Variants in STPG2 observed in about 807,000 individuals in gnomAD.
The protein encoded by STPG2 is sperm-tail PG-rich repeat-containing protein 2.
STPG2 carries 56 observed loss-of-function variants against 54.2 expected under a neutral mutation model. That is an observed-to-expected ratio of 1.03 (90% CI 0.83 to 1.29). The LOEUF is 1.29. Among genes scored for constraint, STPG2 ranks in the 50% most tolerant of loss-of-function variants. STPG2 has a pLI of 0.00. For synonymous variants in STPG2, 200 were observed against 181.8 expected (o/e 1.10, Z -0.81); for missense variants, 596 against 544.9 (o/e 1.09, Z -0.93).
intron 10 of STPG2, among the ~76,000 whole-genome samples, chr4:97,696,581 A>G (rs1723581576): frequency 6.6e-6 from 1 of 152,234 alleles, no homozygotes; most frequent in South Asian, 2.1e-4. Context: ...AGCAGAGTAA[A>G]CACAAAACCC....
chr4:98,032,368 C>T (rs191725976), intron 5 of STPG2, among the ~76,000 whole-genome samples: 1 of 152,182 alleles, frequency 6.6e-6, no homozygotes, highest in Non-Finnish European at 1.5e-5. Context: ...TATAAACTTA[C>T]TCATGTAACC....
downstream of STPG2, among the ~76,000 whole-genome samples, chr4:97,554,380 T>C (rs1367636167): frequency 1.3e-5 from 2 of 152,184 alleles, no homozygotes; most frequent in Non-Finnish European, 2.9e-5. Flanking sequence ...AATTCTTCCC[T>C]TCTCTGAGAG....
chr4:97,783,744 T>TA (rs1029861987), intron 9 of STPG2, among the ~76,000 whole-genome samples: 10 of 152,262 alleles, frequency 6.6e-5, no homozygotes, highest in African/African-American at 2.4e-4. Flanking sequence ...TATGCAGCTA[T>TA]AAAAAAGGAT....
intron 5 of STPG2, among the ~76,000 whole-genome samples, chr4:97,991,047 C>A (rs1734986224): frequency 6.6e-6 from 1 of 151,956 alleles, no homozygotes; most frequent in South Asian, 2.1e-4. Flanking sequence ...AAAGTGTATT[C>A]TTTTATCCCT....
intron 10 of STPG2, among the ~76,000 whole-genome samples, chr4:97,586,635 T>C (rs1008091810): frequency 3.9e-5 from 6 of 151,932 alleles, no homozygotes; most frequent in African/African-American, 1.4e-4. Context: ...AGATTTGTCT[T>C]ATAAAACAAA....
At chr4:97,927,797 A>G (rs1336490799) in intron 8 of STPG2, among the ~76,000 whole-genome samples, 1 of 152,072 alleles carries the variant, frequency 6.6e-6, no homozygotes, top group Non-Finnish European at 1.5e-5. Flanking sequence ...AAAGATTACC[A>G]TAACTATAGT....
At chr4:97,588,913 T>C (rs968244453) in intron 10 of STPG2, among the ~76,000 whole-genome samples, 10 of 152,116 alleles carry the variant, frequency 6.6e-5, no homozygotes, top group Admixed American at 2.6e-4. Flanking sequence ...ATTTGTATAG[T>C]TTTACATAAC....
chr4:97,900,981 T>C (rs1305982498), intron 8 of STPG2, among the ~76,000 whole-genome samples: 1 of 151,846 alleles, frequency 6.6e-6, no homozygotes, highest in Non-Finnish European at 1.5e-5. Flanking sequence ...TCTTATTTTG[T>C]TTTGATTTTG....
intron 8 of STPG2, among the ~76,000 whole-genome samples, chr4:97,841,926 T>C (rs1728812450): frequency 6.6e-6 from 1 of 151,858 alleles, no homozygotes; most frequent in African/African-American, 2.4e-5. Flanking sequence ...AATCTTACTA[T>C]TCTAGAAAAG....
chr4:97,773,326 T>G (rs1307711017), intron 9 of STPG2, among the ~76,000 whole-genome samples: 2 of 152,080 alleles, frequency 1.3e-5, no homozygotes, highest in African/African-American at 4.8e-5. Flanking sequence ...ATTATTATTA[T>G]TATTATTTTT....
intron 10 of STPG2, among the ~76,000 whole-genome samples, chr4:97,705,822 A>T (rs1723923038): frequency 6.6e-6 from 1 of 152,120 alleles, no homozygotes. Flanking sequence ...CTCAGAGCCT[A>T]TACCATACTA....
At chr4:98,052,582 C>T (rs892007149) in intron 5 of STPG2, among the ~76,000 whole-genome samples, 1 of 152,090 alleles carries the variant, frequency 6.6e-6, no homozygotes, top group Non-Finnish European at 1.5e-5. Flanking sequence ...TTCAATAATA[C>T]ATTCTTCACA....
chr4:97,979,728 CT>C (rs769113705), intron 6 of STPG2, among the ~76,000 whole-genome samples: 397 of 140,020 alleles, frequency 2.8e-3, no homozygotes, highest in South Asian at 9.5e-3. Context: ...TCCACAATTT[CT>C]TTTTTTTTTT....
At chr4:97,548,149 T>TCAAAACAAAA (rs77639854) in intron 4 of STPG2, among the ~76,000 whole-genome samples, 38 of 150,590 alleles carry the variant, frequency 2.5e-4, no homozygotes, top group South Asian at 4.2e-4. Flanking sequence ...AAACTCTGTC[T>TCAAAACAAAA]CAAAACAAAA....
chr4:97,999,840 C>T (rs184165869), intron 5 of STPG2, among the ~76,000 whole-genome samples: 35 of 152,176 alleles, frequency 2.3e-4, no homozygotes, highest in Admixed American at 5.2e-4. Flanking sequence ...GTGGAGAGGT[C>T]AGGGCTGTAA....
intron 4 of STPG2, among the ~76,000 whole-genome samples, chr4:97,537,678 A>T (rs1731570158): frequency 6.6e-6 from 1 of 152,206 alleles, no homozygotes; most frequent in Non-Finnish European, 1.5e-5. Context: ...TCCCTGTCTG[A>T]CAGCTTTGAA....
intron 5 of STPG2, among the ~76,000 whole-genome samples, chr4:98,004,865 C>T (rs556413611): frequency 2.7e-5 from 4 of 150,182 alleles, no homozygotes; most frequent in African/African-American, 7.4e-5. Context: ...AATTTGAGTT[C>T]TTTCTATATT....
intron 10 of STPG2, among the ~76,000 whole-genome samples, chr4:97,699,643 C>T (rs1183635939): frequency 6.6e-6 from 1 of 152,188 alleles, no homozygotes; most frequent in Non-Finnish European, 1.5e-5. Flanking sequence ...GAGTTCCCTT[C>T]ACTGCTGTCC....
chr4:97,745,385 G>A (rs1725393423), intron 9 of STPG2, among the ~76,000 whole-genome samples: 2 of 150,752 alleles, frequency 1.3e-5, no homozygotes, highest in Non-Finnish European at 3.0e-5. Flanking sequence ...ATAAAATTCT[G>A]TGTTAATCTC....
Sources: gnomAD v4.1 joint callset for allele counts (sites outside exome capture counted in the v4.1 genomes callset) on GRCh38, gnomAD v4.1.1 for gene constraint, MANE v1.5 for transcripts, NCBI Gene and HGNC (gene_info 2026-07-23, HGNC 2026-07-21) for gene names.